The following AEN variants were observed in gnomAD, a reference collection of about 807,000 sequenced individuals.
AEN encodes the protein apoptosis-enhancing nuclease.
AEN carries 21 observed loss-of-function variants against 17.7 expected under a neutral mutation model. The observed-to-expected ratio is 1.19, with a 90% CI of 0.84 to 1.71. The LOEUF is 1.71. Among genes scored for constraint, AEN ranks in the 40% most tolerant of loss-of-function variants. The probability of loss-of-function intolerance (pLI) is 0.00; values close to 1 mark genes in which losing one functional copy is unlikely to be tolerated. For synonymous variants in AEN, 190 were observed against 173.0 expected (o/e 1.10, Z -0.77); for missense variants, 462 against 435.9 (o/e 1.06, Z -0.53).
At chr15:88,620,832 G>A (rs2057777058), upstream of AEN, among the ~76,000 whole-genome samples, 1 of 152,162 alleles carries the variant, frequency 6.6e-6, no homozygotes, top group African/African-American at 2.4e-5. Flanking sequence ...TTAATACTTA[G>A]GAGTCAAGTG....
At chr15:88,612,478 G>A in the AEN span, among the ~76,000 whole-genome samples, 1 of 152,164 alleles carries the variant, frequency 6.6e-6, no homozygotes, top group Non-Finnish European at 1.5e-5. Flanking sequence ...CCAGAGGTGT[G>A]GCCAAGGGAA....
chr15:88,617,760 C>T (rs1478242953), upstream of AEN, among the ~76,000 whole-genome samples: 1 of 152,104 alleles, frequency 6.6e-6, no homozygotes. Flanking sequence ...TACCCTGTTA[C>T]TAGACCGGAT....
chr15:88,620,964 C>T (rs1313695033), upstream of AEN, among the ~76,000 whole-genome samples: 1 of 150,586 alleles, frequency 6.6e-6, no homozygotes, highest in Non-Finnish European at 1.5e-5. Flanking sequence ...AGGTAAGGGC[C>T]GATGTTCCCA....
upstream of AEN, among the ~76,000 whole-genome samples, chr15:88,619,524 C>A (rs921805268): frequency 2.6e-5 from 4 of 152,112 alleles, no homozygotes. Flanking sequence ...CCCATCTCTA[C>A]TAAAAATACA....
upstream of AEN, among the ~76,000 whole-genome samples, chr15:88,620,461 A>C (rs533715979): frequency 6.6e-6 from 1 of 151,312 alleles, no homozygotes; most frequent in Non-Finnish European, 1.5e-5. Context: ...CCCAGGCTGG[A>C]TGGAGTGCAA....
chr15:88,627,469 T>TTG lies in AEN; in HGVS notation c.540+721_540+722insGT, dbSNP rs1390399776. 335 of 151,902 alleles carry TTG rather than the reference T, an allele frequency of 2.2e-3. 3 individuals are homozygous for TTG. Among genetic ancestry groups the TTG allele is most frequent in the African/African-American group, 7.6e-3 (317 of 41,478 alleles). 9.4% of individuals were successfully genotyped at this position (151,902 alleles called of 1,614,324 possible). The stretch of plus-strand genomic sequence containing the variant: ...TTACGCATCTTGTTTCTTTTTTTTT[T>TTG]TTTTTTTATTCCACACATCTTAAAT... On this transcript the variant is annotated intron_variant, in intron 2 of 3. Transcript: ENST00000332810.
intron 1 of AEN, among the ~76,000 whole-genome samples, chr15:88,624,208 G>T (rs1490188121): frequency 1.3e-5 from 2 of 152,174 alleles, no homozygotes; most frequent in Admixed American, 1.3e-4. Flanking sequence ...GCACAGTGGA[G>T]ACCCGAGAGA....
chr15:88,615,169 T>C, the AEN span, among the ~76,000 whole-genome samples: 4 of 152,306 alleles, frequency 2.6e-5, no homozygotes, highest in Middle Eastern at 3.4e-3. Context: ...CGGCCTCGTC[T>C]GTGTTTTTTC....
chr15:88,623,413 C>G (rs993568296), intron 1 of AEN, among the ~76,000 whole-genome samples: 4 of 152,110 alleles, frequency 2.6e-5, no homozygotes, highest in Admixed American at 6.6e-5. Context: ...ATCCCCTTCC[C>G]ATTTCTCTTA....
At chr15:88,606,253 C>T in the AEN span, among the ~76,000 whole-genome samples, 2 of 152,114 alleles carry the variant, frequency 1.3e-5, no homozygotes, top group Non-Finnish European at 2.9e-5. Flanking sequence ...CTTCCTTCCT[C>T]CCCGCGCTCT....
intron 1 of AEN, among the ~76,000 whole-genome samples, chr15:88,623,943 G>A (rs917845129): frequency 1.1e-4 from 16 of 152,226 alleles, no homozygotes; most frequent in Non-Finnish European, 1.8e-4. Flanking sequence ...CTCCACCCTG[G>A]GTTAGTCCTT....
the AEN span, chr15:88,608,051 C>T: frequency 4.1e-6 from 2 of 489,274 alleles, no homozygotes; most frequent in African/African-American, 3.9e-5. Flanking sequence ...TCACTTTCTG[C>T]TTATTTTCTT....
chr15:88,628,559 G>A (rs2057884451), intron 2 of AEN: 1 of 152,414 alleles, frequency 6.6e-6, no homozygotes, highest in South Asian at 2.1e-4. Flanking sequence ...GCAGGGCAAG[G>A]GGGCAGAGTC....
chr15:88,624,800 T>C (rs1254577139), intron 1 of AEN, among the ~76,000 whole-genome samples: 1 of 151,906 alleles, frequency 6.6e-6, no homozygotes, highest in African/African-American at 2.4e-5. Flanking sequence ...GGAGAATCGC[T>C]TGAAGCCGGG....
chr15:88,629,082 C>A, intron 2 of AEN, 144 bp from the exon 3 acceptor site: 1 of 785,706 alleles, frequency 1.3e-6, no homozygotes, highest in Non-Finnish European at 2.1e-6. Flanking sequence ...GCATGGTTGA[C>A]TGTGGAGCTC....
chr15:88,615,663 C>T, the AEN span, among the ~76,000 whole-genome samples: 1 of 152,104 alleles, frequency 6.6e-6, no homozygotes, highest in African/African-American at 2.4e-5. Flanking sequence ...CTTTCTGGGC[C>T]TCATCCCCTG....
At chr15:88,606,513 G>C in the AEN span, among the ~76,000 whole-genome samples, 1 of 147,928 alleles carries the variant, frequency 6.8e-6, no homozygotes, top group Non-Finnish European at 1.5e-5. Context: ...TATCACAAAA[G>C]GGCTAACGGA....
chr15:88,607,755 A>G, the AEN span, among the ~76,000 whole-genome samples: 1 of 152,086 alleles, frequency 6.6e-6, no homozygotes, highest in Non-Finnish European at 1.5e-5. Flanking sequence ...TTAATATAAG[A>G]ATTTTTATTC....
chr15:88,619,784 C>T (rs1172198570), upstream of AEN, among the ~76,000 whole-genome samples: 1 of 152,122 alleles, frequency 6.6e-6, no homozygotes, highest in Non-Finnish European at 1.5e-5. Context: ...TAACCCCTTC[C>T]CCTCTGCTCT....
Sources: gnomAD v4.1 joint callset for allele counts (sites outside exome capture counted in the v4.1 genomes callset) on GRCh38, gnomAD v4.1.1 for gene constraint, MANE v1.5 for transcripts, NCBI Gene and HGNC (gene_info 2026-07-23, HGNC 2026-07-21) for gene names.